FAM114A2: variants seen among roughly 807,000 people sequenced by gnomAD.
The protein encoded by FAM114A2 is protein FAM114A2.
A neutral mutation model predicts 58.4 loss-of-function variants in FAM114A2; 53 were observed. That is an observed-to-expected ratio of 0.91 (90% CI 0.73 to 1.14). FAM114A2 has a LOEUF of 1.14. Ranked by LOEUF, FAM114A2 falls within the 50% of genes most tolerant of loss-of-function variation. FAM114A2 has a pLI of 0.00. For synonymous variants in FAM114A2, 228 were observed against 211.4 expected (o/e 1.08, Z -0.68); for missense variants, 601 against 581.1 (o/e 1.03, Z -0.35).
intron 8 of FAM114A2, among the ~76,000 whole-genome samples, chr5:154,024,398 T>TA (rs1771642957): frequency 6.6e-6 from 1 of 152,252 alleles, no homozygotes; most frequent in African/African-American, 2.4e-5. Context: ...CTTTTTATTT[T>TA]AAAAAACTAT....
At chr5:154,023,877 TAAAAAG>T (rs961595083) in intron 8 of FAM114A2, among the ~76,000 whole-genome samples, 14 of 152,146 alleles carry the variant, frequency 9.2e-5, no homozygotes, top group Non-Finnish European at 1.3e-4. Context: ...TTAACTGATT[TAAAAAG>T]AAAAAGAAAA....
In FAM114A2 at chr5:153,997,801, A is replaced by G; in HGVS notation, c.1329+2T>C. ...ATTGCAGTAAGAGGCATGGATTCTT[A>G]CCCCAGCAGTTGTTAGGCAGGTAGT... On this transcript the variant is annotated splice_donor_variant, in intron 12 of 13. Coordinates refer to ENST00000351797, the MANE Select transcript of FAM114A2 (RefSeq NM_018691.4). LOFTEE classifies it high-confidence loss of function. 6.5e-7 allele frequency: 1 copy of G among 1,543,696 alleles called. No individual in the cohort carries two copies. Among genetic ancestry groups the G allele is most frequent in the Non-Finnish European group, 9.0e-7 (1 of 1,116,352 alleles).
At position 154,026,427 on chromosome 5, in the gene FAM114A2, A is replaced by G. The variant is rs376847399; in HGVS notation, c.885T>C (p.Phe295=). The change falls in exon 8 of 14, where the codon TTT becomes TTC. Residue 295 remains phenylalanine, a synonymous_variant. Coordinates refer to ENST00000351797, the MANE Select transcript of FAM114A2 (RefSeq NM_018691.4). ...QLKETFSLAE[F]CEEEEEEKKG... ...TTTTCTCTTCTTCCTCTTCTTCACA[A>G]AATTCTGCTAGAGAAAATGTTTCTT... 41 of 1,579,990 alleles carry G rather than the reference A, an allele frequency of 2.6e-5. 1 individual carries two copies. The East Asian group carries it at 3.5e-4, about 13-fold the overall frequency.
At chr5:154,010,424 T>C (rs1247172450) in intron 9 of FAM114A2, among the ~76,000 whole-genome samples, 1 of 152,194 alleles carries the variant, frequency 6.6e-6, no homozygotes, top group East Asian at 1.9e-4. Flanking sequence ...TGCAGCATTT[T>C]CGATGGGCAT....
chr5:153,995,119 T>C, intron 12 of FAM114A2, 147 bp from the exon 13 acceptor site: 1 of 589,720 alleles, frequency 1.7e-6, no homozygotes, highest in Non-Finnish European at 3.1e-6. Flanking sequence ...AAATGTCATC[T>C]TTAGAATGGA....
intron 6 of FAM114A2, 74 bp downstream of exon 6, chr5:154,028,075 G>A: frequency 7.9e-7 from 1 of 1,270,406 alleles, no homozygotes; most frequent in Admixed American, 2.3e-5. Flanking sequence ...ACACTAACAA[G>A]GTTCCAAGTA....
intron 7 of FAM114A2, 59 bp downstream of exon 7, chr5:154,027,117 C>T (rs1265017086): frequency 1.4e-6 from 2 of 1,379,320 alleles, no homozygotes; most frequent in Non-Finnish European, 2.0e-6. Flanking sequence ...AGAAAGGAAA[C>T]CATGCAGCAT....
chr5:154,006,285 C>G (rs1430087728), intron 9 of FAM114A2, among the ~76,000 whole-genome samples: 1 of 152,192 alleles, frequency 6.6e-6, no homozygotes, highest in Non-Finnish European at 1.5e-5. Flanking sequence ...CTGCTCTTCT[C>G]TCTCCTAATA....
At chr5:154,011,919 A>AAG (rs1305631787) in intron 8 of FAM114A2, among the ~76,000 whole-genome samples, 9 of 152,210 alleles carry the variant, frequency 5.9e-5, no homozygotes, top group Non-Finnish European at 8.8e-5. Flanking sequence ...CTAGAAAGGT[A>AAG]AGATCCAGAT....
chr5:153,999,937 ATATG>A (rs1255044275), intron 11 of FAM114A2, among the ~76,000 whole-genome samples: 1 of 152,126 alleles, frequency 6.6e-6, no homozygotes, highest in African/African-American at 2.4e-5. Context: ...GTGTGTGTAT[ATATG>A]TATGTGTGTG....
chr5:154,026,877 A>T (rs1771815778), intron 7 of FAM114A2, among the ~76,000 whole-genome samples: 1 of 106,418 alleles, frequency 9.4e-6, no homozygotes, highest in African/African-American at 3.4e-5. Flanking sequence ...TAGGCCAAAG[A>T]AACTAAAAAA....
rs552887360 is a variant in FAM114A2, at chr5:154,033,658, T to G, written c.403+133A>C. 1.3e-3 allele frequency: 794 copies of G among 591,684 alleles called. 1 individual carries two copies. Among genetic ancestry groups the G allele is most frequent in the Non-Finnish European group, 2.0e-3 (672 of 333,510 alleles). The allele number at this position is 591,684 out of a possible 1,614,324, so 36.7% of individuals were successfully genotyped here. A position where few individuals can be genotyped will look rare whatever the true frequency, so the allele number is the denominator to read the frequency against. ...AGATGTCTAATTGGGAACTAAAGATTCTAAATACTCTTTCTCACTACAGTC... is the reference window on the plus strand; with the variant it reads ...AGATGTCTAATTGGGAACTAAAGATGCTAAATACTCTTTCTCACTACAGTC... On this transcript the variant is annotated intron_variant, in intron 4 of 13. Coordinates refer to ENST00000351797, the MANE Select transcript of FAM114A2 (RefSeq NM_018691.4).
Position 154,031,394 on chromosome 5 carries a change from T to C in FAM114A2, c.404-1814A>G, listed in dbSNP as rs1772190318. Among the ~76,000 whole-genome samples the C allele has an allele frequency of 4.3e-5, 6 of 140,900 alleles. No individual in the cohort carries two copies. The South Asian group carries it at 1.4e-3, about 32-fold the overall frequency. The allele number at this position is 140,900 out of a possible 152,430, so 92.4% of individuals were successfully genotyped here. A position where few individuals can be genotyped will look rare whatever the true frequency, so the allele number is the denominator to read the frequency against. On this transcript the variant is annotated intron_variant, in intron 4 of 13. Coordinates refer to ENST00000351797, the MANE Select transcript of FAM114A2 (RefSeq NM_018691.4). Reference sequence around the variant, plus strand: ...CCGCCGACAAAAGGAAAGCAGAAGATAGCCCCCTTTAAAGGAAGAAAACAA... The same window carrying C: ...CCGCCGACAAAAGGAAAGCAGAAGACAGCCCCCTTTAAAGGAAGAAAACAA...
At chr5:154,032,620 G>A (rs1044972633) in intron 4 of FAM114A2, among the ~76,000 whole-genome samples, 1 of 152,114 alleles carries the variant, frequency 6.6e-6, no homozygotes, top group African/African-American at 2.4e-5. Context: ...AACATGCTTG[G>A]GACTCCTGGA....
chr5:154,015,759 C>T (rs1347906393), intron 8 of FAM114A2, among the ~76,000 whole-genome samples: 1 of 151,988 alleles, frequency 6.6e-6, no homozygotes, highest in African/African-American at 2.4e-5. Flanking sequence ...GCAATGAATC[C>T]AAACCAAGAA....
chr5:154,034,709 A>G (rs1285812631), intron 2 of FAM114A2, 35 bp downstream of exon 2: 1 of 1,448,744 alleles, frequency 6.9e-7, no homozygotes, highest in East Asian at 2.3e-5. Context: ...CTAATATTTT[A>G]ATAGATACCC....
At chr5:154,004,780 G>T (rs1376870535) in intron 9 of FAM114A2, among the ~76,000 whole-genome samples, 2 of 151,870 alleles carry the variant, frequency 1.3e-5, no homozygotes, top group Non-Finnish European at 2.9e-5. Flanking sequence ...TTCATGACTG[G>T]TCTCTCTGCT....
intron 5 of FAM114A2, among the ~76,000 whole-genome samples, chr5:154,028,562 G>A (rs1771962280): frequency 6.6e-6 from 1 of 152,130 alleles, no homozygotes; most frequent in Non-Finnish European, 1.5e-5. Context: ...CAGAAGACAT[G>A]CACAAAAATG....
chr5:153,992,443 A>G lies in FAM114A2; in HGVS notation c.*533T>C, dbSNP rs1330117655. On this transcript the variant is annotated 3_prime_UTR_variant, in exon 14 of 14. Coordinates refer to ENST00000351797, the MANE Select transcript of FAM114A2 (RefSeq NM_018691.4). ...TTTAAAAAAGCAGATGAAACTTTCT[A>G]TTTCCAAGAATTCATGTGATAAAGG... 2.0e-5 allele frequency: 3 copies of G among 152,228 alleles called. No individual in the cohort carries two copies. The highest frequency in any genetic ancestry group is 7.2e-5 in the African/African-American group (3 of 41,454). The allele number at this position is 152,228 out of a possible 1,614,324, so 9.4% of individuals were successfully genotyped here.
Sources: allele counts gnomAD v4.1 joint callset (sites outside exome capture counted in the v4.1 genomes callset), GRCh38; gene constraint gnomAD v4.1.1; transcripts MANE v1.5; gene names NCBI Gene and HGNC (gene_info 2026-07-23, HGNC 2026-07-21).